OPCML: variants seen among roughly 807,000 people sequenced by gnomAD.
The protein encoded by OPCML is opioid-binding protein/cell adhesion molecule.
In OPCML, 13 loss-of-function variants were observed where a neutral mutation model predicts 37.8. That is an observed-to-expected ratio of 0.34 (90% CI 0.22 to 0.55). The LOEUF is 0.55. OPCML is among the 20% of genes least tolerant of loss of function. OPCML has a pLI of 0.91. For missense variants in OPCML, 341 were observed against 435.6 expected, an observed-to-expected ratio of 0.78 and a Z score of 1.93; for synonymous variants, 176 against 168.8, an observed-to-expected ratio of 1.04 and a Z score of -0.33.
At chr11:132,479,181 C>T (rs914093596) in intron 4 of OPCML, among the ~76,000 whole-genome samples, 5 of 151,964 alleles carry the variant, frequency 3.3e-5, no homozygotes, top group African/African-American at 9.7e-5. Flanking sequence ...GGTGCATGAG[C>T]CAAAAAAGGG....
chr11:132,636,213 T>C (rs1940485992), intron 3 of OPCML, among the ~76,000 whole-genome samples: 1 of 152,166 alleles, frequency 6.6e-6, no homozygotes, highest in Non-Finnish European at 1.5e-5. Context: ...AATTGTTATT[T>C]CCCTAAAATC....
chr11:133,091,668 G>T (rs139157084), intron 1 of OPCML, among the ~76,000 whole-genome samples: 2,313 of 152,246 alleles, frequency 0.015, 28 homozygotes, highest in Non-Finnish European at 0.025. Context: ...CTTCCTTTTA[G>T]AATGGGGATG....
At chr11:132,540,144 T>C (rs1275918740) in intron 3 of OPCML, among the ~76,000 whole-genome samples, 3 of 152,160 alleles carry the variant, frequency 2.0e-5, no homozygotes, top group Admixed American at 6.5e-5. Flanking sequence ...AGGAGAGAGA[T>C]GAGCTGAAAG....
intron 1 of OPCML, among the ~76,000 whole-genome samples, chr11:133,333,640 G>A (rs1414646779): frequency 6.6e-6 from 1 of 152,186 alleles, no homozygotes; most frequent in African/African-American, 2.4e-5. Flanking sequence ...ATTGACAAAT[G>A]GGATCTAATT....
intron 1 of OPCML, among the ~76,000 whole-genome samples, chr11:133,273,971 AT>A (rs1350489262): frequency 6.6e-6 from 1 of 152,174 alleles, no homozygotes; most frequent in African/African-American, 2.4e-5. Context: ...TCATGATATA[AT>A]TTTTACTATT....
At chr11:132,558,057 G>C (rs1235277615) in intron 3 of OPCML, among the ~76,000 whole-genome samples, 1 of 152,010 alleles carries the variant, frequency 6.6e-6, no homozygotes, top group Non-Finnish European at 1.5e-5. Context: ...AGTAGTTAGA[G>C]GAGATGCATT....
intron 1 of OPCML, among the ~76,000 whole-genome samples, chr11:132,993,447 G>A (rs1946819509): frequency 6.6e-6 from 1 of 152,170 alleles, no homozygotes. Context: ...AAACGAGCAT[G>A]GATGCCTTGG....
chr11:133,233,341 T>A (rs112163917), intron 1 of OPCML, among the ~76,000 whole-genome samples: 13 of 152,102 alleles, frequency 8.5e-5, no homozygotes, highest in Non-Finnish European at 1.2e-4. Context: ...AAACATCAGA[T>A]GTGGGAAGGA....
chr11:132,932,691 T>TATA (rs1945248210), intron 2 of OPCML, among the ~76,000 whole-genome samples: 1 of 143,662 alleles, frequency 7.0e-6, no homozygotes, highest in Non-Finnish European at 1.5e-5. Context: ...TATATATATA[T>TATA]TATATATATA....
At chr11:132,898,128 A>T (rs1256539036) in intron 2 of OPCML, among the ~76,000 whole-genome samples, 1 of 152,174 alleles carries the variant, frequency 6.6e-6, no homozygotes, top group Non-Finnish European at 1.5e-5. Context: ...AGCTAGCTAC[A>T]ACCACCACTG....
intron 2 of OPCML, among the ~76,000 whole-genome samples, chr11:132,785,070 T>C (rs981670087): frequency 2.0e-5 from 3 of 152,244 alleles, no homozygotes; most frequent in African/African-American, 7.2e-5. Context: ...TTTGACATCA[T>C]GCACATATAA....
chr11:132,583,840 C>T (rs574801180), intron 3 of OPCML, among the ~76,000 whole-genome samples: 3 of 152,138 alleles, frequency 2.0e-5, no homozygotes, highest in African/African-American at 7.2e-5. Context: ...TCTCAAACTC[C>T]TGACCTCAGG....
chr11:133,355,478 A>G (rs948133443), intron 1 of OPCML, among the ~76,000 whole-genome samples: 3 of 152,218 alleles, frequency 2.0e-5, no homozygotes, highest in Non-Finnish European at 4.4e-5. Context: ...GAGTTACAGA[A>G]AAAGAGATTT....
chr11:132,987,961 C>T (rs1946709428), intron 1 of OPCML, among the ~76,000 whole-genome samples: 1 of 152,164 alleles, frequency 6.6e-6, no homozygotes, highest in African/African-American at 2.4e-5. Flanking sequence ...AGTTGCAAAA[C>T]TTAAATAAGA....
intron 1 of OPCML, among the ~76,000 whole-genome samples, chr11:133,197,200 G>C (rs912954818): frequency 2.6e-5 from 4 of 152,110 alleles, no homozygotes; most frequent in Non-Finnish European, 4.4e-5. Flanking sequence ...CTTCCTTACC[G>C]GCACCCTGAG....
intron 1 of OPCML, among the ~76,000 whole-genome samples, chr11:133,330,537 G>A (rs1943594972): frequency 1.3e-5 from 2 of 152,080 alleles, no homozygotes; most frequent in East Asian, 1.9e-4. Context: ...TCCTTTGTAG[G>A]GACATGGATG....
chr11:132,887,525 G>A lies in OPCML; in HGVS notation c.146+55401C>T, dbSNP rs578004873. On this transcript the variant is annotated intron_variant, in intron 2 of 7. Coordinates refer to ENST00000524381, the MANE Select transcript of OPCML (RefSeq NM_001012393.5). ...CTGACCGAGTACAATGAACAACATCGCACAGCCTGAGTGTGACTCCAGCCC... is the reference window on the plus strand; with the variant it reads ...CTGACCGAGTACAATGAACAACATCACACAGCCTGAGTGTGACTCCAGCCC... Among the ~76,000 whole-genome samples the A allele has an allele frequency of 3.3e-4, 51 of 152,296 alleles. No homozygotes were observed. The South Asian group carries it at 9.3e-3, about 28-fold the overall frequency.
At chr11:133,054,769 G>A (rs565086897) in intron 1 of OPCML, among the ~76,000 whole-genome samples, 2 of 152,326 alleles carry the variant, frequency 1.3e-5, no homozygotes, top group South Asian at 2.1e-4. Context: ...TCCAAGTGGC[G>A]AGATCCTGTG....
intron 2 of OPCML, among the ~76,000 whole-genome samples, chr11:132,679,050 T>A (rs999685385): frequency 1.3e-5 from 2 of 152,118 alleles, no homozygotes; most frequent in Non-Finnish European, 2.9e-5. Context: ...TAAATTCTAT[T>A]AAGGCAGATA....
Sources: allele counts gnomAD v4.1 joint callset (sites outside exome capture counted in the v4.1 genomes callset), GRCh38; gene constraint gnomAD v4.1.1; transcripts MANE v1.5; gene names NCBI Gene and HGNC (gene_info 2026-07-23, HGNC 2026-07-21).